Variants in APPL2 observed in about 807,000 individuals in gnomAD.
APPL2 encodes DCC-interacting protein 13-beta.
APPL2 carries 84 observed loss-of-function variants against 92.7 expected under a neutral mutation model. The observed-to-expected ratio is 0.91, with a 90% confidence interval of 0.76 to 1.09. APPL2 has a LOEUF of 1.09. APPL2 is among the 50% of genes least tolerant of loss of function. The probability of loss-of-function intolerance (pLI) is 0.00; values close to 1 mark genes in which losing one functional copy is unlikely to be tolerated. For synonymous variants in APPL2, 291 were observed against 291.0 expected (o/e 1.00, Z 0.00); for missense variants, 736 against 824.5 (o/e 0.89, Z 1.31).
chr12:105,208,522 G>A (rs1277839890), intron 5 of APPL2, among the ~76,000 whole-genome samples: 1 of 152,160 alleles, frequency 6.6e-6, no homozygotes, highest in Admixed American at 6.5e-5. Flanking sequence ...ATGGAGACCT[G>A]GAGTATAAAC....
intron 4 of APPL2, 41 bp downstream of exon 4, chr12:105,217,028 G>C (rs374820746): frequency 2.1e-6 from 3 of 1,426,110 alleles, no homozygotes; most frequent in Non-Finnish European, 2.9e-6. Context: ...AAGAAAGTTC[G>C]AGAAAGAATC....
Position 105,197,795 on chromosome 12 carries a change from C to G in APPL2, c.1022G>C (p.Cys341Ser). Residue 341 changes from cysteine (C) to serine (S), a missense_variant, in exon 11 of 21, where the codon TGC becomes TCC. Cys to Ser is a moderately radical substitution (Grantham distance 112). Transcript: ENST00000258530. Reference protein sequence around the residue: ...MAVDCEDRRYCFQITTPNGKS... With the variant: ...MAVDCEDRRYSFQITTPNGKS... Reference sequence around the variant, plus strand: ...TCCATTGGGCGTGGTGATCTGGAAGCAGTAGCGCCGGTCTTCGCAATCCAC... The same window carrying G: ...TCCATTGGGCGTGGTGATCTGGAAGGAGTAGCGCCGGTCTTCGCAATCCAC... 1 of 1,614,216 alleles carries G rather than the reference C, an allele frequency of 6.2e-7. No individual in the cohort carries two copies. Among genetic ancestry groups the G allele is most frequent in the Non-Finnish European group, 8.5e-7 (1 of 1,180,046 alleles).
Position 105,179,457 on chromosome 12 carries a change from TGTTTTTATAG to T in APPL2, c.1635-2205_1635-2196del, listed in dbSNP as rs562408753. Among the ~76,000 whole-genome samples the T allele has an allele frequency of 1.1e-4, 17 of 152,354 alleles. 1 individual carries two copies. The East Asian group carries it at 2.5e-3, about 22-fold the overall frequency. On this transcript the variant is annotated intron_variant, in intron 17 of 20. Coordinates refer to ENST00000258530, the MANE Select transcript of APPL2 (RefSeq NM_018171.5). Reference sequence around the variant, plus strand: ...TGGTGCAATACACATAGTGTGCATGTGTTTTTATAGAAAATGATTATAGTCCTTTGGGTAT... The same window carrying T: ...TGGTGCAATACACATAGTGTGCATGTAAAATGATTATAGTCCTTTGGGTAT...
At chr12:105,199,322 C>T in intron 10 of APPL2, 51 bp downstream of exon 10, 2 of 1,586,940 alleles carry the variant, frequency 1.3e-6, no homozygotes, top group South Asian at 1.1e-5. Context: ...TTTCAGCCAC[C>T]TCTTAGGGAA....
rs149910163 is a variant in APPL2 at position 105,190,063 on chromosome 12, G to A, written c.1334C>T (p.Ala445Val). 80 of 1,614,058 alleles carry A rather than the reference G, an allele frequency of 5.0e-5. No individual in the cohort carries two copies. Among genetic ancestry groups the A allele is most frequent in the Middle Eastern group, 1.6e-4 (1 of 6,084 alleles). ...ATCGAATTGAATCGGCGTTCCAGGC[G>A]CGATCAGCTCCTCTGCTTCAGGTAG... ...ASLPEAEELI[A>V]PGTPIQFDIV... The change falls in exon 15 of 21, where the codon GCG becomes GTG. Residue 445 changes from alanine to valine, a missense_variant. Coordinates refer to ENST00000258530, the MANE Select transcript of APPL2 (RefSeq NM_018171.5).
At chr12:105,215,002 C>T (rs1017805640) in intron 4 of APPL2, among the ~76,000 whole-genome samples, 5 of 152,220 alleles carry the variant, frequency 3.3e-5, no homozygotes, top group Non-Finnish European at 5.9e-5. Flanking sequence ...TTCCACGCCG[C>T]CTCCCCTGTA....
intron 14 of APPL2, among the ~76,000 whole-genome samples, chr12:105,194,493 C>G (rs1237253362): frequency 6.6e-6 from 1 of 152,044 alleles, no homozygotes; most frequent in East Asian, 1.9e-4. Flanking sequence ...GAGTTCAAGA[C>G]CAGCCTGGCT....
At chr12:105,187,337 A>G (rs533308213) in intron 17 of APPL2, among the ~76,000 whole-genome samples, 3 of 152,314 alleles carry the variant, frequency 2.0e-5, no homozygotes, top group South Asian at 2.1e-4. Context: ...TGTGCCAGTG[A>G]GTTGTAAATG....
chr12:105,217,045 A>C, intron 4 of APPL2, 24 bp downstream of exon 4: 1 of 1,533,666 alleles, frequency 6.5e-7, no homozygotes, highest in South Asian at 1.2e-5. Context: ...AATCAAATAC[A>C]AATTTTCTAT....
intron 5 of APPL2, among the ~76,000 whole-genome samples, chr12:105,209,295 GC>G (rs1889019796): frequency 6.6e-6 from 1 of 152,074 alleles, no homozygotes; most frequent in African/African-American, 2.4e-5. Flanking sequence ...ATGACCTGGG[GC>G]CAAATACTTC....
chr12:105,199,802 A>G (rs1887992022), intron 9 of APPL2, among the ~76,000 whole-genome samples: 2 of 151,710 alleles, frequency 1.3e-5, no homozygotes, highest in African/African-American at 4.8e-5. Flanking sequence ...ACCCAGCTAC[A>G]CAGTCTTTTT....
chr12:105,178,212 A>T (rs1378109094), intron 17 of APPL2, among the ~76,000 whole-genome samples: 1 of 152,228 alleles, frequency 6.6e-6, no homozygotes, highest in Non-Finnish European at 1.5e-5. Context: ...ATAAATTTCT[A>T]CTGTATTGTA....
At chr12:105,200,768 A>T (rs1888094481) in intron 9 of APPL2, among the ~76,000 whole-genome samples, 1 of 152,152 alleles carries the variant, frequency 6.6e-6, no homozygotes, top group Admixed American at 6.5e-5. Flanking sequence ...GCACCTCAGG[A>T]TTCTCTCTCT....
intron 5 of APPL2, among the ~76,000 whole-genome samples, chr12:105,211,013 C>T (rs1353746062): frequency 6.6e-6 from 1 of 152,172 alleles, no homozygotes; most frequent in Non-Finnish European, 1.5e-5. Flanking sequence ...GACATTACAA[C>T]GATCTGTTTC....
At chr12:105,177,339 GA>G in intron 17 of APPL2, 77 bp from the exon 18 acceptor site, 1 of 1,450,548 alleles carries the variant, frequency 6.9e-7, no homozygotes, top group Non-Finnish European at 9.7e-7. Context: ...TAGAAGTCCA[GA>G]ATAAATACAA....
At chr12:105,223,212 G>A (rs1004375748) in intron 2 of APPL2, among the ~76,000 whole-genome samples, 4 of 152,170 alleles carry the variant, frequency 2.6e-5, no homozygotes, top group East Asian at 1.9e-4. Context: ...TCTTCCTGAC[G>A]ACAGGAACTG....
intron 4 of APPL2, among the ~76,000 whole-genome samples, chr12:105,213,379 A>G (rs1294650678): frequency 6.6e-6 from 1 of 152,218 alleles, no homozygotes; most frequent in East Asian, 1.9e-4. Flanking sequence ...CTTTAGCATC[A>G]CCATATAGAA....
chr12:105,217,021 A>G, intron 4 of APPL2, 48 bp downstream of exon 4: 1 of 1,374,668 alleles, frequency 7.3e-7, no homozygotes, highest in Middle Eastern at 2.0e-4. Context: ...ACAACAAAAG[A>G]AAGTTCGAGA....
At chr12:105,185,884 G>A (rs1208551141) in intron 17 of APPL2, among the ~76,000 whole-genome samples, 1 of 151,998 alleles carries the variant, frequency 6.6e-6, no homozygotes, top group East Asian at 1.9e-4. Context: ...TCTAGTCCCA[G>A]GACATTTTTA....
Sources: allele counts gnomAD v4.1 joint callset (sites outside exome capture counted in the v4.1 genomes callset), GRCh38; gene constraint gnomAD v4.1.1; transcripts MANE v1.5; gene names NCBI Gene and HGNC (gene_info 2026-07-23, HGNC 2026-07-21).